MAML3: variants seen among roughly 807,000 people sequenced by gnomAD.
MAML3 encodes the protein mastermind-like protein 3.
Under a neutral mutation model 101.9 loss-of-function variants are expected in MAML3, and 27 were observed. The observed-to-expected ratio is 0.27, with a 90% confidence interval of 0.20 to 0.37. The LOEUF is 0.37. MAML3 is among the 10% of genes least tolerant of loss of function. The pLI, the probability that MAML3 is intolerant of heterozygous loss-of-function variation, is 1.00. For missense variants in MAML3, 1,316 were observed against 1,444.9 expected, an observed-to-expected ratio of 0.91 and a Z score of 1.45; for synonymous variants, 501 against 555.9, an observed-to-expected ratio of 0.90 and a Z score of 1.39.
intron 1 of MAML3, among the ~76,000 whole-genome samples, chr4:139,917,038 C>A (rs142514341): frequency 6.6e-6 from 1 of 152,284 alleles, no homozygotes; most frequent in East Asian, 1.9e-4. Flanking sequence ...TTCCAGAGTT[C>A]TGAGAATGCT....
intron 2 of MAML3, among the ~76,000 whole-genome samples, chr4:139,850,139 T>C (rs1209868357): frequency 2.6e-5 from 4 of 152,114 alleles, no homozygotes; most frequent in Non-Finnish European, 5.9e-5. Context: ...CCAGTTGTCT[T>C]GTACCTGATA....
At chr4:140,148,551 C>T (rs556141098) in intron 1 of MAML3, among the ~76,000 whole-genome samples, 1 of 152,100 alleles carries the variant, frequency 6.6e-6, no homozygotes, top group African/African-American at 2.4e-5. Context: ...CCCATGCTAG[C>T]GGCAGAACAG....
intron 2 of MAML3, among the ~76,000 whole-genome samples, chr4:139,739,679 GTT>G (rs1553952725): frequency 4.5e-5 from 6 of 132,358 alleles, no homozygotes; most frequent in East Asian, 2.3e-4. Flanking sequence ...GAGGAAAGCA[GTT>G]TTTTTTTTTT....
intron 2 of MAML3, among the ~76,000 whole-genome samples, chr4:139,803,010 C>A (rs1332704511): frequency 6.6e-6 from 1 of 152,190 alleles, no homozygotes; most frequent in East Asian, 1.9e-4. Context: ...ATAACTATTT[C>A]TCTTTATAAA....
chr4:139,918,707 G>A (rs1266411550), intron 1 of MAML3, among the ~76,000 whole-genome samples: 1 of 152,200 alleles, frequency 6.6e-6, no homozygotes, highest in Non-Finnish European at 1.5e-5. Flanking sequence ...CCAGTGTCTA[G>A]CAGAGATAAG....
At chr4:140,036,493 C>A (rs537211359) in intron 1 of MAML3, among the ~76,000 whole-genome samples, 92 of 152,304 alleles carry the variant, frequency 6.0e-4, no homozygotes, top group African/African-American at 2.0e-3. Context: ...CCTTTCAAGT[C>A]GGGTGCTGAG....
intron 1 of MAML3, among the ~76,000 whole-genome samples, chr4:140,018,136 C>T (rs1481253043): frequency 1.3e-5 from 2 of 152,154 alleles, no homozygotes; most frequent in African/African-American, 4.8e-5. Flanking sequence ...ATTCAAATAA[C>T]CTAAAATTTT....
intron 1 of MAML3, among the ~76,000 whole-genome samples, chr4:140,003,406 G>GAAAAAA (rs1347777608): frequency 6.6e-6 from 1 of 152,122 alleles, no homozygotes; most frequent in African/African-American, 2.4e-5. Flanking sequence ...AGGAGAAAAA[G>GAAAAAA]AACGAAATAG....
chr4:139,756,414 T>G (rs146463177), intron 2 of MAML3, among the ~76,000 whole-genome samples: 5 of 152,318 alleles, frequency 3.3e-5, no homozygotes, highest in Non-Finnish European at 4.4e-5. Context: ...GAATCACACA[T>G]GGCTGAAGAC....
intron 1 of MAML3, among the ~76,000 whole-genome samples, chr4:140,052,748 T>C (rs983451463): frequency 5.9e-5 from 9 of 152,138 alleles, no homozygotes; most frequent in Non-Finnish European, 1.3e-4. Context: ...TTGCCCAGGC[T>C]GGTCTCGAAC....
chr4:140,138,952 A>G (rs1728940302), intron 1 of MAML3, among the ~76,000 whole-genome samples: 1 of 152,224 alleles, frequency 6.6e-6, no homozygotes, highest in Non-Finnish European at 1.5e-5. Flanking sequence ...TTATAAATTC[A>G]TATGGCTATT....
chr4:139,902,241 G>A (rs1322033585), intron 1 of MAML3, among the ~76,000 whole-genome samples: 1 of 128,288 alleles, frequency 7.8e-6, no homozygotes, highest in African/African-American at 2.8e-5. Context: ...ACACGCAGGC[G>A]CGCACGCACA....
intron 2 of MAML3, among the ~76,000 whole-genome samples, chr4:139,759,193 G>A (rs545527042): frequency 2.6e-5 from 4 of 152,230 alleles, no homozygotes; most frequent in African/African-American, 9.7e-5. Flanking sequence ...CAGCTGGATG[G>A]TACAGGGCAC....
intron 2 of MAML3, among the ~76,000 whole-genome samples, chr4:139,865,608 T>C (rs1407168291): frequency 6.6e-6 from 1 of 152,150 alleles, no homozygotes; most frequent in Non-Finnish European, 1.5e-5. Context: ...AGCCTCTTTT[T>C]CCTCTTGTTT....
chr4:140,080,506 A>G (rs1727845710), intron 1 of MAML3, among the ~76,000 whole-genome samples: 1 of 152,254 alleles, frequency 6.6e-6, no homozygotes, highest in Non-Finnish European at 1.5e-5. Flanking sequence ...CTTTTCTAGT[A>G]GTACATTTTT....
At chr4:140,152,805 A>ACCCC in intron 1 of MAML3, 55 bp downstream of exon 1, 1 of 1,515,818 alleles carries the variant, frequency 6.6e-7, no homozygotes, top group South Asian at 1.3e-5. Context: ...CGCGCCCCCC[A>ACCCC]CCACCACCAC....
chr4:139,764,432 G>A (rs1016157843), intron 2 of MAML3, among the ~76,000 whole-genome samples: 43 of 152,170 alleles, frequency 2.8e-4, no homozygotes, highest in African/African-American at 1.0e-3. Flanking sequence ...AGGAGGCTAC[G>A]ACCTTTTCCC....
intron 1 of MAML3, among the ~76,000 whole-genome samples, chr4:140,123,201 T>C (rs1323284198): frequency 2.0e-5 from 3 of 151,884 alleles, no homozygotes; most frequent in Non-Finnish European, 4.4e-5. Flanking sequence ...TGACTTCATA[T>C]TTATTTAGTC....
In MAML3 at chr4:140,153,964, G is replaced by A. The variant is rs995366523; in HGVS notation, c.-637C>T. The A allele has an allele frequency of 2.6e-5, 4 of 153,710 alleles. No homozygotes were observed. Among genetic ancestry groups the A allele is most frequent in the African/African-American group, 9.6e-5 (4 of 41,454 alleles). The allele number at this position is 153,710 out of a possible 1,614,324, so 9.5% of individuals were successfully genotyped here. ...ATATCGAATCCTCGGGCTGGGGGAA[G>A]TAAACACATGGACAGTCCGAGGCGA... On this transcript the variant is annotated 5_prime_UTR_variant, in exon 1 of 5. Coordinates refer to ENST00000509479, the MANE Select transcript of MAML3 (RefSeq NM_018717.5).
Sources: gnomAD v4.1 joint callset for allele counts (sites outside exome capture counted in the v4.1 genomes callset) on GRCh38, gnomAD v4.1.1 for gene constraint, MANE v1.5 for transcripts, NCBI Gene and HGNC (gene_info 2026-07-23, HGNC 2026-07-21) for gene names.